SSX1: variants seen among roughly 807,000 people sequenced by gnomAD.
The protein encoded by SSX1 is protein SSX1.
A neutral mutation model predicts 14.6 loss-of-function variants in SSX1; 58 were observed. The observed-to-expected ratio is 3.96, with a 90% CI of 3.21 to 4.93. The LOEUF (loss-of-function observed/expected upper bound fraction) is 4.93, where lower values mean the gene tolerates loss of function less well. Ranked by LOEUF, SSX1 falls within the 30% of genes most tolerant of loss-of-function variation. The pLI, the probability that SSX1 is intolerant of heterozygous loss-of-function variation, is 0.00. For missense variants in SSX1, 272 were observed against 143.1 expected, an observed-to-expected ratio of 1.90 and a Z score of -4.60; for synonymous variants, 46 against 52.1, an observed-to-expected ratio of 0.88 and a Z score of 0.50.
rs1556935968 is a variant in SSX1 at position 48,263,879 on chromosome X, G to A, written c.428G>A (p.Gly143Glu). Reference sequence around the variant, plus strand: ...GATGGGAAACAACTGCACCCCCCAGGAAAAGCAAATATTTCTGAGAAGATT... The same window carrying A: ...GATGGGAAACAACTGCACCCCCCAGAAAAAGCAAATATTTCTGAGAAGATT... Reference protein sequence around the residue: ...QNDGKQLHPPGKANISEKINK... With the variant: ...QNDGKQLHPPEKANISEKINK... The change falls in exon 6 of 8, where the codon GGA becomes GAA. Residue 143 changes from glycine to glutamate, a missense_variant. Gly to Glu is a moderately conservative substitution (Grantham distance 98). Coordinates refer to ENST00000376919, the MANE Select transcript of SSX1 (RefSeq NM_005635.4). 2 of 1,211,356 alleles carry A rather than the reference G, an allele frequency of 1.7e-6. No homozygotes were observed. The highest frequency in any genetic ancestry group is 2.2e-5 in the Admixed American group (1 of 45,954).
At position 48,266,206 on chromosome X, in the gene SSX1, G is replaced by A. The variant is rs782427447; in HGVS notation, c.467-81G>A. ...CCCATGGGCACTTGGGAGGGAGGAG[G>A]CATCTCCTTTTTTTGAGAAAACAGA... On this transcript the variant is annotated intron_variant, in intron 6 of 7. Coordinates refer to ENST00000376919, the MANE Select transcript of SSX1 (RefSeq NM_005635.4). 1.3e-5 allele frequency: 15 copies of A among 1,197,342 alleles called. No homozygotes were observed. In the East Asian group the frequency reaches 3.6e-4, roughly 28 times the overall value.
chrX:48,256,764 AC>A (rs11327721), intron 1 of SSX1, among the ~76,000 whole-genome samples: 44,536 of 107,100 alleles, frequency 0.42, 7,034 homozygotes, highest in Non-Finnish European at 0.46. Context: ...ACAGAACAGA[AC>A]CCCCCCATCC....
intron 7 of SSX1, among the ~76,000 whole-genome samples, chrX:48,266,619 C>G (rs1469233139): frequency 8.9e-6 from 1 of 111,909 alleles, no homozygotes; most frequent in East Asian, 2.8e-4. Context: ...AACCCCAGGT[C>G]AGCCCTGATA....
chrX:48,262,169 T>C (rs1199071840), intron 5 of SSX1, among the ~76,000 whole-genome samples: 2 of 112,333 alleles, frequency 1.8e-5, no homozygotes, highest in African/African-American at 6.5e-5. Flanking sequence ...ACAAATCTTC[T>C]AAGTTATCGG....
rs2059626161 is a variant in SSX1 at position 48,266,965 on chromosome X, G to A, written c.*116G>A. 3 of 836,495 alleles carry A rather than the reference G, an allele frequency of 3.6e-6. No individual in the cohort carries two copies. The highest frequency in any genetic ancestry group is 3.5e-6 in the Non-Finnish European group (2 of 578,118). The allele number at this position is 836,495 out of a possible 1,213,427, so 68.9% of individuals were successfully genotyped here. On this transcript the variant is annotated 3_prime_UTR_variant, in exon 8 of 8. Coordinates refer to ENST00000376919, the MANE Select transcript of SSX1 (RefSeq NM_005635.4). ...TCAGGTGCATAGCAAGTGAAAGCAA[G>A]TGTTCACAACGGTGAAACTTGAGCG...
Position 48,266,349 on chromosome X carries a change from T to A in SSX1, c.529T>A (p.Tyr177Asn). The A allele has an allele frequency of 8.3e-7, 1 of 1,210,194 alleles. No individual in the cohort carries two copies. Among genetic ancestry groups the A allele is most frequent in the Non-Finnish European group, 1.1e-6 (1 of 895,364 alleles). ...RLRERKQLVI[Y>N]EEISDPEEDD... ...GCGTGAGAGAAAGCAGCTGGTGATT[T>A]ATGAAGAGATCAGTGACCCTGAGGA... is the stretch of plus-strand genomic sequence containing the variant. The change falls in exon 7 of 8, where the codon TAT becomes AAT. Residue 177 changes from tyrosine (Y) to asparagine (N), a missense_variant. Transcript: ENST00000376919.
At chrX:48,265,526 A>T (rs1458962118) in intron 6 of SSX1, among the ~76,000 whole-genome samples, 2 of 85,419 alleles carry the variant, frequency 2.3e-5, no homozygotes, top group African/African-American at 7.5e-5. Context: ...CACAACATTG[A>T]TCAATTACGT....
chrX:48,258,186 T>G (rs1329212408), intron 3 of SSX1, among the ~76,000 whole-genome samples: 2 of 65,435 alleles, frequency 3.1e-5, no homozygotes, highest in Non-Finnish European at 2.8e-5. Flanking sequence ...TCTCTCTCCC[T>G]TTTTTTTTTT....
chrX:48,260,908 T>C (rs1326378516), intron 4 of SSX1, among the ~76,000 whole-genome samples: 3 of 111,862 alleles, frequency 2.7e-5, no homozygotes, highest in Non-Finnish European at 5.6e-5. Flanking sequence ...GTAATAAAGA[T>C]TGCTGTTTCT....
chrX:48,256,452 G>C (rs1340391512), intron 1 of SSX1, among the ~76,000 whole-genome samples: 13 of 63,192 alleles, frequency 2.1e-4, no homozygotes, highest in Admixed American at 1.7e-3. Context: ...TTTTTGTGTG[G>C]TTGTTTTTTT....
chrX:48,257,357 A>G (rs2059586108), intron 2 of SSX1, 47 bp downstream of exon 2: 1 of 1,194,606 alleles, frequency 8.4e-7, no homozygotes, highest in Admixed American at 2.2e-5. Context: ...GGGACAGAGT[A>G]GGGTGACCAG....
At chrX:48,264,263 G>A (rs183275599) in intron 6 of SSX1, among the ~76,000 whole-genome samples, 1 of 112,234 alleles carries the variant, frequency 8.9e-6, no homozygotes, top group Non-Finnish European at 1.9e-5. Context: ...GATTCTATCT[G>A]TGATAACCTG....
chrX:48,259,454 G>GTTT lies in SSX1; in HGVS notation c.280+830_280+832dup, dbSNP rs782210642. ...AGACATGTTGTTCTTGCTAAACACT[G>GTTT]TTTTTTTTTATTATACTTTAAGTTT... is the stretch of plus-strand genomic sequence containing the variant. On this transcript the variant is annotated intron_variant, in intron 4 of 7. Transcript: ENST00000376919. Among the ~76,000 whole-genome samples, 409 of 108,271 alleles carry GTTT rather than the reference G, an allele frequency of 3.8e-3. 1 individual carries two copies. Among genetic ancestry groups the GTTT allele is most frequent in the African/African-American group, 0.012 (357 of 29,929 alleles). 94.0% of individuals were successfully genotyped at this position (108,271 alleles called of 115,157 possible). A position where few individuals can be genotyped will look rare whatever the true frequency, so the allele number is the denominator to read the frequency against.
intron 7 of SSX1, 142 bp from the exon 8 acceptor site, chrX:48,266,712 G>A (rs1601951258): frequency 2.0e-6 from 1 of 509,121 alleles, no homozygotes; most frequent in Non-Finnish European, 3.3e-6. Context: ...TTCACTTCGA[G>A]GAACCATGGA....
intron 3 of SSX1, among the ~76,000 whole-genome samples, chrX:48,258,160 A>G (rs1275068908): frequency 1.2e-5 from 1 of 85,885 alleles, no homozygotes; most frequent in Non-Finnish European, 2.2e-5. Flanking sequence ...TCCTCCTCTC[A>G]GCTTGTCTCT....
At chrX:48,262,004 T>C (rs1182229656) in intron 5 of SSX1, among the ~76,000 whole-genome samples, 189 bp downstream of exon 5, 1 of 112,226 alleles carries the variant, frequency 8.9e-6, no homozygotes, top group East Asian at 2.8e-4. Flanking sequence ...TCTTTTGTTT[T>C]CATAGTGATG....
chrX:48,262,178 G>A (rs1276603986), intron 5 of SSX1, among the ~76,000 whole-genome samples: 2 of 111,910 alleles, frequency 1.8e-5, no homozygotes, highest in East Asian at 2.8e-4. Context: ...CTAAGTTATC[G>A]GAGCTCCAGA....
chrX:48,262,502 A>G (rs1286720538), intron 5 of SSX1, among the ~76,000 whole-genome samples: 6 of 111,809 alleles, frequency 5.4e-5, no homozygotes, highest in Non-Finnish European at 1.1e-4. Flanking sequence ...GGCCACTCCC[A>G]TGGCTTAGGA....
rs1332617417 is a variant in SSX1 at position 48,258,619 on chromosome X, C to T, written c.268C>T (p.Arg90Cys). ...QGNDFDNDHN[R>C]RIQVEHPQMT... ...GAATGATTTTGATAATGACCATAACCGCAGGATTCAGGGTGAGTAGATGGG... is the reference window on the plus strand; with the variant it reads ...GAATGATTTTGATAATGACCATAACTGCAGGATTCAGGGTGAGTAGATGGG... Residue 90 changes from arginine to cysteine, a missense_variant, in exon 4 of 8, where the codon CGC becomes TGC. Arg to Cys is a radical substitution (Grantham distance 180). Coordinates refer to ENST00000376919, the MANE Select transcript of SSX1 (RefSeq NM_005635.4). The T allele has an allele frequency of 3.1e-5, 37 of 1,201,579 alleles. No homozygotes were observed. The highest frequency in any genetic ancestry group is 4.1e-5 in the Non-Finnish European group (36 of 888,858).
Sources: gnomAD v4.1 joint callset for allele counts (sites outside exome capture counted in the v4.1 genomes callset) on GRCh38, gnomAD v4.1.1 for gene constraint, MANE v1.5 for transcripts, NCBI Gene and HGNC (gene_info 2026-07-23, HGNC 2026-07-21) for gene names.